The following MYO5B variants were observed in gnomAD, a reference collection of about 807,000 sequenced individuals.
MYO5B encodes unconventional myosin-Vb.
MYO5B carries 143 observed loss-of-function variants against 229.3 expected under a neutral mutation model. That is an observed-to-expected ratio of 0.62 (90% confidence interval 0.54 to 0.72). The LOEUF (loss-of-function observed/expected upper bound fraction) is 0.72, where lower values mean the gene tolerates loss of function less well. Among genes scored for constraint, MYO5B ranks in the 30% least tolerant of loss-of-function variants. MYO5B has a pLI of 0.00. For missense variants in MYO5B, 2,321 were observed against 2,331.0 expected (o/e 1.00, Z 0.09); for synonymous variants, 918 against 885.2 (o/e 1.04, Z -0.66).
At chr18:49,853,394 T>G (rs913318326) in intron 31 of MYO5B, 55 bp downstream of exon 31, 23 of 1,595,822 alleles carry the variant, frequency 1.4e-5, no homozygotes, top group South Asian at 1.1e-4. Context: ...CCGATCCCAT[T>G]TGCTTCTAGA....
At chr18:49,983,029 T>C (rs1396161277) in intron 8 of MYO5B, among the ~76,000 whole-genome samples, 2 of 152,170 alleles carry the variant, frequency 1.3e-5, no homozygotes, top group Admixed American at 6.5e-5. Flanking sequence ...GAATGTATCC[T>C]GCACACTGTC....
intron 22 of MYO5B, among the ~76,000 whole-genome samples, chr18:49,885,587 ACTGG>A (rs2024633503): frequency 6.6e-6 from 1 of 152,180 alleles, no homozygotes; most frequent in African/African-American, 2.4e-5. Context: ...TTGAATTTCA[ACTGG>A]TTACAATGCT....
At chr18:50,135,648 T>C (rs1475529917) in intron 1 of MYO5B, among the ~76,000 whole-genome samples, 1 of 152,218 alleles carries the variant, frequency 6.6e-6, no homozygotes, top group African/African-American at 2.4e-5. Flanking sequence ...AATTTCATCA[T>C]TTTTGGTGTA....
intron 1 of MYO5B, among the ~76,000 whole-genome samples, chr18:50,107,275 C>T (rs972436401): frequency 5.9e-5 from 9 of 151,816 alleles, no homozygotes; most frequent in African/African-American, 1.2e-4. Flanking sequence ...TACAGGCATG[C>T]GTCACCATGC....
intron 4 of MYO5B, among the ~76,000 whole-genome samples, chr18:50,011,031 T>C (rs995829378): frequency 2.0e-5 from 3 of 152,094 alleles, no homozygotes; most frequent in South Asian, 2.1e-4. Context: ...GCTTCATCCA[T>C]ACATTTTTTA....
Position 50,130,319 on chromosome 18 carries a change from T to C in MYO5B, c.27+64448A>G, listed in dbSNP as rs142466517. Among the ~76,000 whole-genome samples, 551 of 152,362 alleles carry C rather than the reference T, an allele frequency of 3.6e-3. 8 individuals are homozygous for C. Among genetic ancestry groups the C allele is most frequent in the African/African-American group, 0.013 (533 of 41,594 alleles). ...AGCCAGCAGAAGGCATCAGGACTTA[T>C]AATTAAGTTTTCTTGGATAAGGAAA... is the stretch of plus-strand genomic sequence containing the variant. On this transcript the variant is annotated intron_variant, in intron 1 of 39. Transcript: ENST00000285039.
chr18:49,945,401 C>T (rs933709760), intron 14 of MYO5B, among the ~76,000 whole-genome samples: 1 of 152,072 alleles, frequency 6.6e-6, no homozygotes, highest in African/African-American at 2.4e-5. Flanking sequence ...ACCCTACTTC[C>T]TATATCTCAA....
intron 10 of MYO5B, among the ~76,000 whole-genome samples, chr18:49,971,191 CAT>C (rs768920757): frequency 5.3e-5 from 8 of 152,168 alleles, no homozygotes; most frequent in Non-Finnish European, 1.0e-4. Context: ...AATCACTTCC[CAT>C]AGTCATGAAT....
intron 2 of MYO5B, 43 bp downstream of exon 2, chr18:50,055,225 G>GGCCCCCCCCCCCCCCCCCCCCCCC: frequency 1.4e-6 from 1 of 700,374 alleles, no homozygotes; most frequent in Non-Finnish European, 2.7e-6. Context: ...TGAGCTCCCT[G>GGCCCCCCCCCCCCCCCCCCCCCCC]CCCCACCTCA....
intron 16 of MYO5B, among the ~76,000 whole-genome samples, chr18:49,932,742 T>C (rs953848454): frequency 2.0e-5 from 3 of 152,096 alleles, no homozygotes; most frequent in Non-Finnish European, 4.4e-5. Flanking sequence ...ACAAAGAAGA[T>C]ATTGCCATCA....
At chr18:50,187,956 A>T (rs2033171877) in intron 1 of MYO5B, among the ~76,000 whole-genome samples, 1 of 152,198 alleles carries the variant, frequency 6.6e-6, no homozygotes, top group Non-Finnish European at 1.5e-5. Flanking sequence ...AACATTAGTG[A>T]AAAAGGTGGT....
intron 17 of MYO5B, among the ~76,000 whole-genome samples, chr18:49,914,838 T>C (rs569364061): frequency 6.0e-5 from 9 of 150,616 alleles, no homozygotes; most frequent in Admixed American, 3.3e-4. Flanking sequence ...GAGTATCACA[T>C]ACAGCTTTGG....
intron 12 of MYO5B, among the ~76,000 whole-genome samples, chr18:49,955,882 G>T (rs2025487406): frequency 6.6e-6 from 1 of 152,200 alleles, no homozygotes; most frequent in Non-Finnish European, 1.5e-5. Context: ...GACAGAGGAC[G>T]AACACAAGAG....
At chr18:50,057,473 A>G (rs1343601547) in intron 1 of MYO5B, among the ~76,000 whole-genome samples, 1 of 152,148 alleles carries the variant, frequency 6.6e-6, no homozygotes, top group African/African-American at 2.4e-5. Flanking sequence ...TGTTGTGTAG[A>G]TCCTGGAAGC....
chr18:50,006,710 C>T (rs1180578719), intron 4 of MYO5B, among the ~76,000 whole-genome samples: 1 of 152,186 alleles, frequency 6.6e-6, no homozygotes, highest in Non-Finnish European at 1.5e-5. Flanking sequence ...CAAGATCAAG[C>T]CCTTCCTCCT....
At chr18:49,892,298 C>T (rs988146395) in intron 22 of MYO5B, among the ~76,000 whole-genome samples, 1 of 152,212 alleles carries the variant, frequency 6.6e-6, no homozygotes, top group Non-Finnish European at 1.5e-5. Context: ...TGTCATCTAA[C>T]CTATGCGACA....
intron 4 of MYO5B, among the ~76,000 whole-genome samples, chr18:50,013,292 T>C (rs2026181963): frequency 6.6e-6 from 1 of 152,216 alleles, no homozygotes; most frequent in Admixed American, 6.5e-5. Context: ...ACACCAGTCT[T>C]GGAGTGGTAA....
chr18:50,033,686 G>C (rs558935221), intron 4 of MYO5B, among the ~76,000 whole-genome samples: 1 of 152,294 alleles, frequency 6.6e-6, no homozygotes, highest in African/African-American at 2.4e-5. Context: ...CTAAGAAGTG[G>C]AGGTAAGCCC....
chr18:50,190,115 C>T (rs2033206996), intron 1 of MYO5B, among the ~76,000 whole-genome samples: 1 of 152,180 alleles, frequency 6.6e-6, no homozygotes, highest in Non-Finnish European at 1.5e-5. Flanking sequence ...TGGCTAGAAT[C>T]AAAGTAGCAT....
Sources: allele counts gnomAD v4.1 joint callset (sites outside exome capture counted in the v4.1 genomes callset), GRCh38; gene constraint gnomAD v4.1.1; transcripts MANE v1.5; gene names NCBI Gene and HGNC (gene_info 2026-07-23, HGNC 2026-07-21).